APPL2: variants seen among roughly 807,000 people sequenced by gnomAD.
APPL2 encodes the protein DCC-interacting protein 13-beta.
Under a neutral mutation model 92.7 loss-of-function variants are expected in APPL2, and 84 were observed. The ratio of observed to expected loss-of-function variants is 0.91; its 90% confidence interval spans 0.76 to 1.09. The LOEUF is 1.09. Ranked by LOEUF, APPL2 falls within the 50% of genes least tolerant of loss-of-function variation. APPL2 has a pLI of 0.00. For missense variants in APPL2, 736 were observed against 824.5 expected (o/e 0.89, Z 1.31); for synonymous variants, 291 against 291.0 (o/e 1.00, Z 0.00).
At chr12:105,208,389 G>C (rs971802638) in intron 5 of APPL2, among the ~76,000 whole-genome samples, 190 bp from the exon 6 acceptor site, 20 of 152,108 alleles carry the variant, frequency 1.3e-4, no homozygotes, top group Non-Finnish European at 1.5e-4. Flanking sequence ...CTTCAACCAT[G>C]CCCCACACCC....
rs1196852 is a variant in APPL2 at position 105,188,467 on chromosome 12, A to G, written c.1460-20T>C. On this transcript the variant is annotated intron_variant, in intron 16 of 20. Coordinates refer to ENST00000258530, the MANE Select transcript of APPL2 (RefSeq NM_018171.5). ...GAGAATCTGGAAGACAGCATTTTCC[A>G]CTCAGGATCTCATTTACTTCCTGCT... 0.74 allele frequency: 1,199,044 copies of G among 1,611,400 alleles called. 448,816 individuals carry two copies. Among genetic ancestry groups the G allele is most frequent in the East Asian group, 1 (44,749 of 44,798 alleles).
intron 20 of APPL2, among the ~76,000 whole-genome samples, chr12:105,175,137 G>C (rs528374986): frequency 6.6e-6 from 1 of 152,198 alleles, no homozygotes; most frequent in African/African-American, 2.4e-5. Context: ...TCCTGCCTCT[G>C]CCTCCCAAAG....
chr12:105,211,368 G>A (rs1889203362), intron 4 of APPL2, 51 bp from the exon 5 acceptor site: 1 of 1,325,680 alleles, frequency 7.5e-7, no homozygotes, highest in African/African-American at 1.5e-5. Flanking sequence ...TATTATTATT[G>A]ACATAGTCTC....
At position 105,191,073 on chromosome 12, in the gene APPL2, T is replaced by G. The variant is rs151266741; in HGVS notation, c.1242-918A>C. 2.0e-5 allele frequency among the ~76,000 whole-genome samples: 3 copies of G among 152,350 alleles called. No individual in the cohort carries two copies. In the East Asian group the frequency reaches 5.8e-4, roughly 29 times the overall value. On this transcript the variant is annotated intron_variant, in intron 14 of 20. Coordinates refer to ENST00000258530, the MANE Select transcript of APPL2 (RefSeq NM_018171.5). ...ATTTGATATGTCAATATTTTCCTATTTCTCAAACATGTCAATAACTGAATG... is the reference window on the plus strand; with the variant it reads ...ATTTGATATGTCAATATTTTCCTATGTCTCAAACATGTCAATAACTGAATG...
intron 14 of APPL2, 65 bp from the exon 15 acceptor site, chr12:105,190,220 A>T: frequency 6.6e-7 from 1 of 1,509,624 alleles, no homozygotes; most frequent in South Asian, 1.2e-5. Context: ...TACTTGTTGA[A>T]GGCTGAGGTG....
At chr12:105,218,575 C>T (rs992876281) in intron 2 of APPL2, among the ~76,000 whole-genome samples, 1 of 152,224 alleles carries the variant, frequency 6.6e-6, no homozygotes. Flanking sequence ...AAGAAATGCA[C>T]TGCCTGTCTG....
At chr12:105,208,573 T>TA (rs1411534223) in intron 5 of APPL2, among the ~76,000 whole-genome samples, 1 of 152,204 alleles carries the variant, frequency 6.6e-6, no homozygotes, top group East Asian at 1.9e-4. Flanking sequence ...AGTGTCTTAA[T>TA]ACATCTTTCT....
intron 8 of APPL2, 199 bp downstream of exon 8, chr12:105,206,862 A>T: frequency 1.7e-6 from 1 of 601,772 alleles, no homozygotes; most frequent in Non-Finnish European, 2.8e-6. Flanking sequence ...ATATGGCCTA[A>T]CTTGAGGCCA....
At chr12:105,190,738 CTG>C (rs1422235696) in intron 14 of APPL2, among the ~76,000 whole-genome samples, 1 of 152,224 alleles carries the variant, frequency 6.6e-6, no homozygotes, top group African/African-American at 2.4e-5. Flanking sequence ...CTCTGAACTC[CTG>C]TGATTCTTCT....
intron 6 of APPL2, 40 bp from the exon 7 acceptor site, chr12:105,208,069 G>A (rs1021694996): frequency 1.2e-6 from 2 of 1,613,746 alleles, no homozygotes; most frequent in Non-Finnish European, 1.7e-6. Context: ...GGAGGGTCAG[G>A]GTCGAAAGGG....
rs1885239885 is a variant in APPL2 at position 105,174,093 on chromosome 12, T to G, written c.*221A>C. On this transcript the variant is annotated 3_prime_UTR_variant, in exon 21 of 21. Coordinates refer to ENST00000258530, the MANE Select transcript of APPL2 (RefSeq NM_018171.5). ...TTAGCGCAATCTAAGAAAAAAGACT[T>G]ACCACAAAGCACCTAAAATAACATT... 2.2e-6 allele frequency: 1 copy of G among 463,238 alleles called. No homozygotes were observed. The highest frequency in any genetic ancestry group is 3.6e-6 in the Non-Finnish European group (1 of 276,970). 28.7% of individuals were successfully genotyped at this position (463,238 alleles called of 1,614,324 possible).
chr12:105,190,913 T>C (rs1484813459), intron 14 of APPL2, among the ~76,000 whole-genome samples: 1 of 152,220 alleles, frequency 6.6e-6, no homozygotes. Flanking sequence ...AATACTGTAA[T>C]TTAACTTTTC....
intron 1 of APPL2, among the ~76,000 whole-genome samples, chr12:105,234,958 T>C (rs1196782): frequency 0.12 from 18,741 of 152,254 alleles, 1,587 homozygotes; most frequent in Non-Finnish European, 0.19. Context: ...TTCGGACTTA[T>C]TCTGAACTGT....
chr12:105,214,997 C>T (rs912820940), intron 4 of APPL2, among the ~76,000 whole-genome samples: 5 of 152,200 alleles, frequency 3.3e-5, no homozygotes, highest in Non-Finnish European at 5.9e-5. Context: ...GGAAGTTCCA[C>T]GCCGCCTCCC....
intron 4 of APPL2, among the ~76,000 whole-genome samples, chr12:105,216,053 T>C (rs1484669676): frequency 6.6e-6 from 1 of 152,166 alleles, no homozygotes; most frequent in East Asian, 1.9e-4. Flanking sequence ...GATGGAACTA[T>C]TTATATCTAC....
Position 105,176,048 on chromosome 12 carries a change from A to G in APPL2, c.1847T>C (p.Ile616Thr), listed in dbSNP as rs1885510889. 2.1e-5 allele frequency: 34 copies of G among 1,592,676 alleles called. No individual in the cohort carries two copies. Among genetic ancestry groups the G allele is most frequent in the South Asian group, 8.1e-5 (7 of 86,162 alleles). Reference sequence around the variant, plus strand: ...AATGCATCTTACCTTCTGAACCTCAATAATTTCTTTTCCCAAATTAATAGC... The same window carrying G: ...AATGCATCTTACCTTCTGAACCTCAGTAATTTCTTTTCCCAAATTAATAGC... ...CYAINLGKEI[I>T]EVQKDPEALA... Residue 616 changes from isoleucine to threonine, a missense_variant, in exon 20 of 21, where the codon ATT becomes ACT. Transcript: ENST00000258530.
At position 105,199,466 on chromosome 12, in the gene APPL2, A is replaced by G. The variant is rs776282272; in HGVS notation, c.770T>C (p.Val257Ala). The G allele has an allele frequency of 3.7e-6, 6 of 1,614,054 alleles. No individual in the cohort carries two copies. In the African/African-American group the frequency reaches 5.3e-5, roughly 14 times the overall value. Residue 257 changes from valine to alanine, a missense_variant, in exon 10 of 21, where the codon GTT becomes GCT. By Grantham distance (64) the Val-to-Ala change is moderately conservative. Coordinates refer to ENST00000258530, the MANE Select transcript of APPL2 (RefSeq NM_018171.5). The stretch of plus-strand genomic sequence containing the variant: ...GTCTGGAGTGTAAACAGATTCATCA[A>G]CAGAAAGTAATTCTTGCTGGGACAC... The part of the protein sequence containing the change: ...MRVSQQELLS[V>A]DESVYTPDSD...
At chr12:105,193,882 A>G (rs907808275) in intron 14 of APPL2, among the ~76,000 whole-genome samples, 1 of 152,326 alleles carries the variant, frequency 6.6e-6, no homozygotes, top group African/African-American at 2.4e-5. Context: ...GGTTCTGACC[A>G]TCGCCCATTT....
At chr12:105,217,047 A>T in intron 4 of APPL2, 22 bp downstream of exon 4, 1 of 1,544,142 alleles carries the variant, frequency 6.5e-7, no homozygotes. Flanking sequence ...TCAAATACAA[A>T]TTTTCTATGT....
Sources: allele counts gnomAD v4.1 joint callset (sites outside exome capture counted in the v4.1 genomes callset), GRCh38; gene constraint gnomAD v4.1.1; transcripts MANE v1.5; gene names NCBI Gene and HGNC (gene_info 2026-07-23, HGNC 2026-07-21).